Variants in PSG6 observed in about 807,000 individuals in gnomAD.
PSG6 encodes the protein pregnancy specific beta-1-glycoprotein 6.
Under a neutral mutation model 43.3 loss-of-function variants are expected in PSG6, and 51 were observed. The observed-to-expected ratio is 1.18, with a 90% CI of 0.94 to 1.49. The LOEUF (loss-of-function observed/expected upper bound fraction) is 1.49, where lower values mean the gene tolerates loss of function less well. PSG6 is among the 40% of genes most tolerant of loss of function. The probability of loss-of-function intolerance (pLI) is 0.00; values close to 1 mark genes in which losing one functional copy is unlikely to be tolerated. For missense variants in PSG6, 770 were observed against 522.2 expected (o/e 1.47, Z -4.62); for synonymous variants, 292 against 197.6 (o/e 1.48, Z -4.01).
Position 42,906,934 on chromosome 19 carries a change from C to G in PSG6, c.1228G>C (p.Val410Leu), listed in dbSNP as rs1972122630. The part of the protein sequence containing the change: ...TGKEISKSMI[V>L]KVSGPCHGNQ... ...GGGATCCACTTACCAGAGACTTTGA[C>G]TATCATGGATTTGGAGATTTCCTTG... is the stretch of plus-strand genomic sequence containing the variant. Residue 410 changes from valine (V) to leucine (L), a missense_variant, in exon 5 of 6, where the codon GTC (valine) becomes CTC (leucine). Transcript: ENST00000187910. 1 of 1,612,240 alleles carries G rather than the reference C, an allele frequency of 6.2e-7. No individual in the cohort carries two copies. The highest frequency in any genetic ancestry group is 8.5e-7 in the Non-Finnish European group (1 of 1,179,100).
In PSG6 at chr19:42,902,336, T is replaced by A. The variant is rs1972047112; in HGVS notation, c.*76A>T. The A allele has an allele frequency of 1.9e-6, 3 of 1,548,494 alleles. No homozygotes were observed. Among genetic ancestry groups the A allele is most frequent in the South Asian group, 1.2e-5 (1 of 84,234 alleles). On this transcript the variant is annotated 3_prime_UTR_variant, in exon 6 of 6. Transcript: ENST00000187910. Reference sequence around the variant, plus strand: ...GATTATTTAGTCCAATAACATTGAGTTTTTTTCTTCTTTGTCTTGAATTTC... The same window carrying A: ...GATTATTTAGTCCAATAACATTGAGATTTTTTCTTCTTTGTCTTGAATTTC...
intron 2 of PSG6, chr19:42,915,719 A>G (rs1474715156): frequency 3.6e-6 from 1 of 279,912 alleles, no homozygotes; most frequent in Non-Finnish European, 6.6e-6. Context: ...GCAAGGATTT[A>G]GGGACAGGGG....
rs1161439215 is a variant in PSG6 at position 42,902,233 on chromosome 19, G to T, written c.*179C>A. The T allele has an allele frequency of 1.2e-6, 1 of 827,642 alleles. No homozygotes were observed. The highest frequency in any genetic ancestry group is 1.8e-6 in the Non-Finnish European group (1 of 555,898). 51.3% of individuals were successfully genotyped at this position (827,642 alleles called of 1,614,324 possible). A position where few individuals can be genotyped will look rare whatever the true frequency, so the allele number is the denominator to read the frequency against. On this transcript the variant is annotated 3_prime_UTR_variant, in exon 6 of 6. Coordinates refer to ENST00000187910, the MANE Select transcript of PSG6 (RefSeq NM_001031850.4). ...CTTTACCAATTGCTGAAGAAAAAAA[G>T]TTCATAAATCTGGAGAATAAAACAT...
At position 42,907,031 on chromosome 19, in the gene PSG6, C is replaced by T. The variant is rs1383066044; in HGVS notation, c.1131G>A (p.Lys377=). 2 of 1,612,440 alleles carry T rather than the reference C, an allele frequency of 1.2e-6. No homozygotes were observed. Among genetic ancestry groups the T allele is most frequent in the East Asian group, 2.2e-5 (1 of 44,812 alleles). The change falls in exon 5 of 6, where the codon AAG becomes AAA. Residue 377 remains lysine (K), a synonymous_variant. Transcript: ENST00000187910. ...TTGTAGTAATTTGGGGGATAAAGAGCTTTTGTCCTGATAGCTGAAACTTCC... is the reference window on the plus strand; with the variant it reads ...TTGTAGTAATTTGGGGGATAAAGAGTTTTTGTCCTGATAGCTGAAACTTCC... ...INGKFQLSGQ[K]LFIPQITTNH... is the part of the protein sequence containing the mutation.
chr19:42,917,653 C>A, intron 1 of PSG6, 76 bp downstream of exon 1: 2 of 1,581,464 alleles, frequency 1.3e-6, no homozygotes, highest in Non-Finnish European at 1.7e-6. Context: ...TTTTTAGAAC[C>A]CCATCCTCTC....
At chr19:42,908,534 A>G (rs1296768497) in intron 3 of PSG6, among the ~76,000 whole-genome samples, 1 of 151,768 alleles carries the variant, frequency 6.6e-6, no homozygotes, top group East Asian at 1.9e-4. Flanking sequence ...GAAAGAGTGA[A>G]GGGGACAGGC....
In PSG6 at chr19:42,915,002, A is replaced by G. The variant is rs180723790; in HGVS notation, c.427+1123T>C. ...TGGAGTACAGACTAATCAGCTGACCATTTGCTCTCACTCCTCTGAGGTTTG... is the reference window on the plus strand; with the variant it reads ...TGGAGTACAGACTAATCAGCTGACCGTTTGCTCTCACTCCTCTGAGGTTTG... On this transcript the variant is annotated intron_variant, in intron 2 of 5. Coordinates refer to ENST00000187910, the MANE Select transcript of PSG6 (RefSeq NM_001031850.4). Among the ~76,000 whole-genome samples, 214 of 151,674 alleles carry G rather than the reference A, an allele frequency of 1.4e-3. 4 individuals are homozygous for G. The highest frequency in any genetic ancestry group is 5.9e-4 in the Non-Finnish European group (40 of 67,858).
intron 4 of PSG6, 124 bp downstream of exon 4, chr19:42,907,452 C>T (rs1972136262): frequency 9.1e-6 from 14 of 1,536,556 alleles, no homozygotes; most frequent in Admixed American, 3.9e-5. Flanking sequence ...GGAGTCATGG[C>T]CAGGTCTGAT....
At chr19:42,909,274 G>T (rs1272681586) in intron 3 of PSG6, among the ~76,000 whole-genome samples, 2 of 151,360 alleles carry the variant, frequency 1.3e-5, no homozygotes, top group African/African-American at 2.4e-5. Flanking sequence ...TGGCCATGCT[G>T]CACTCGTATA....
intron 2 of PSG6, among the ~76,000 whole-genome samples, chr19:42,911,183 CT>C (rs932618987): frequency 7.9e-5 from 12 of 151,708 alleles, no homozygotes; most frequent in Admixed American, 7.9e-4. Context: ...CCTGGCCCAC[CT>C]TTTGGTCCTT....
intron 5 of PSG6, 173 bp downstream of exon 5, chr19:42,906,749 C>G (rs960358500): frequency 6.4e-7 from 1 of 1,551,892 alleles, no homozygotes; most frequent in African/African-American, 1.4e-5. Flanking sequence ...AACAGAAAAA[C>G]AAGCAGAAGA....
intron 3 of PSG6, among the ~76,000 whole-genome samples, chr19:42,909,097 CA>C (rs1480259781): frequency 6.6e-6 from 1 of 151,720 alleles, no homozygotes; most frequent in Non-Finnish European, 1.5e-5. Context: ...ACTGGTTTAG[CA>C]TCCCAAATCT....
At chr19:42,911,614 G>C (rs1972228302) in intron 2 of PSG6, among the ~76,000 whole-genome samples, 1 of 151,764 alleles carries the variant, frequency 6.6e-6, no homozygotes, top group Admixed American at 6.6e-5. Flanking sequence ...TCCCCCTGTA[G>C]AGGGCAGTTG....
rs1455418264 is a variant in PSG6 at position 42,906,926 on chromosome 19, G to C, written c.1236C>G (p.Val412=). The C allele has an allele frequency of 1.2e-6, 2 of 1,612,334 alleles. No homozygotes were observed. Among genetic ancestry groups the C allele is most frequent in the South Asian group, 1.1e-5 (1 of 90,824 alleles). The change falls in exon 5 of 6, where the codon GTC becomes GTG. Residue 412 remains valine (V), a synonymous_variant. Coordinates refer to ENST00000187910, the MANE Select transcript of PSG6 (RefSeq NM_001031850.4). ...AGGATGCTGGGATCCACTTACCAGA[G>C]ACTTTGACTATCATGGATTTGGAGA... is the stretch of plus-strand genomic sequence containing the variant. The part of the protein sequence containing the change: ...KEISKSMIVK[V]SGPCHGNQTE...
At chr19:42,908,693 G>T (rs916564319) in intron 3 of PSG6, among the ~76,000 whole-genome samples, 5 of 151,744 alleles carry the variant, frequency 3.3e-5, no homozygotes, top group African/African-American at 7.3e-5. Context: ...TGGTGGAAAG[G>T]GTGGGAATGA....
intron 2 of PSG6, among the ~76,000 whole-genome samples, chr19:42,911,845 T>C (rs771108299): frequency 2.6e-5 from 4 of 151,548 alleles, no homozygotes; most frequent in Non-Finnish European, 4.4e-5. Flanking sequence ...ATGTACCTCA[T>C]ATCAGTGGAT....
In PSG6 at chr19:42,916,446, C is replaced by T; in HGVS notation, c.106G>A (p.Val36Ile). The T allele has an allele frequency of 6.2e-7, 1 of 1,611,874 alleles. No homozygotes were observed. The highest frequency in any genetic ancestry group is 8.5e-7 in the Non-Finnish European group (1 of 1,179,008). ...NFWNLPTTAQ[V>I]IIEAKPPKVS... The stretch of plus-strand genomic sequence containing the variant: ...TTGGGTGGCTTGGCTTCAATTATTA[C>T]TTGGGCAGTGGTGGGCAGGTTCCAG... The change falls in exon 2 of 6, where the codon GTA (valine) becomes ATA (isoleucine). Residue 36 changes from valine (V) to isoleucine (I), a missense_variant. By Grantham distance (29) the Val-to-Ile change is conservative. Coordinates refer to ENST00000187910, the MANE Select transcript of PSG6 (RefSeq NM_001031850.4).
chr19:42,907,544 T>G lies in PSG6; in HGVS notation c.985+32A>C. On this transcript the variant is annotated intron_variant, in intron 4 of 5. Coordinates refer to ENST00000187910, the MANE Select transcript of PSG6 (RefSeq NM_001031850.4). ...CTGGTCGTTTGGAGTTAAGCTGGTG[T>G]CCTGGCCCACAGAGGAACAAAGGAT... 3 of 1,609,994 alleles carry G rather than the reference T, an allele frequency of 1.9e-6. 1 individual carries two copies. Among genetic ancestry groups the G allele is most frequent in the African/African-American group, 2.7e-5 (2 of 74,848 alleles).
At chr19:42,907,437 G>C in intron 4 of PSG6, 139 bp downstream of exon 4, 1 of 1,514,064 alleles carries the variant, frequency 6.6e-7, no homozygotes, top group Non-Finnish European at 8.9e-7. Flanking sequence ...GATTTCCCAG[G>C]GCAGGGAGTC....
Sources: gnomAD v4.1 joint callset for allele counts (sites outside exome capture counted in the v4.1 genomes callset) on GRCh38, gnomAD v4.1.1 for gene constraint, MANE v1.5 for transcripts, NCBI Gene and HGNC (gene_info 2026-07-23, HGNC 2026-07-21) for gene names.